DLGAP1: variants seen among roughly 807,000 people sequenced by gnomAD.
The protein encoded by DLGAP1 is DLG associated protein 1.
In DLGAP1, 11 loss-of-function variants were observed where a neutral mutation model predicts 90.8. The ratio of observed to expected loss-of-function variants is 0.12; its 90% CI spans 0.08 to 0.20. The LOEUF (loss-of-function observed/expected upper bound fraction) is 0.20, where lower values mean the gene tolerates loss of function less well. Among genes scored for constraint, DLGAP1 ranks in the 10% least tolerant of loss-of-function variants. The pLI is 1.00. For synonymous variants in DLGAP1, 558 were observed against 540.7 expected, an observed-to-expected ratio of 1.03 and a Z score of -0.44; for missense variants, 1,050 against 1,333.8, an observed-to-expected ratio of 0.79 and a Z score of 3.31.
chr18:3,731,473 G>A (rs1020104510), intron 6 of DLGAP1, among the ~76,000 whole-genome samples: 1 of 151,782 alleles, frequency 6.6e-6, no homozygotes, highest in African/African-American at 2.4e-5. Flanking sequence ...CCAGGGTGGA[G>A]TGCAGTGGCA....
intron 7 of DLGAP1, among the ~76,000 whole-genome samples, chr18:3,616,767 GAAAC>G (rs1365235623): frequency 1.3e-5 from 2 of 151,078 alleles, no homozygotes; most frequent in Non-Finnish European, 3.0e-5. Context: ...AAAACAAAAA[GAAAC>G]AAACAAACTG....
chr18:3,852,603 T>C (rs908708140), intron 4 of DLGAP1, among the ~76,000 whole-genome samples: 3 of 152,192 alleles, frequency 2.0e-5, no homozygotes, highest in Admixed American at 6.5e-5. Context: ...GTTTAAATGA[T>C]CCAACATGAC....
intron 7 of DLGAP1, among the ~76,000 whole-genome samples, chr18:3,672,059 G>A (rs11873407): frequency 0.25 from 37,761 of 151,946 alleles, 5,131 homozygotes; most frequent in African/African-American, 0.35. Flanking sequence ...AAAGGAAAGA[G>A]GGACATTCAG....
intron 7 of DLGAP1, among the ~76,000 whole-genome samples, chr18:3,726,397 A>G (rs1198107264): frequency 6.6e-6 from 1 of 152,142 alleles, no homozygotes; most frequent in Non-Finnish European, 1.5e-5. Context: ...AATGAATATG[A>G]CAGTATTGAG....
intron 9 of DLGAP1, among the ~76,000 whole-genome samples, chr18:3,564,126 G>A (rs1036912471): frequency 3.3e-5 from 5 of 152,038 alleles, no homozygotes; most frequent in African/African-American, 4.8e-5. Flanking sequence ...AGTATGCCTC[G>A]TAATTTTTTG....
chr18:4,151,882 T>C (rs377448176), intron 1 of DLGAP1, among the ~76,000 whole-genome samples: 1 of 152,312 alleles, frequency 6.6e-6, no homozygotes, highest in African/African-American at 2.4e-5. Context: ...ACCTAGATGA[T>C]GGGTTGATGG....
At chr18:4,369,368 C>T (rs2081861263) in intron 1 of DLGAP1, among the ~76,000 whole-genome samples, 1 of 152,094 alleles carries the variant, frequency 6.6e-6, no homozygotes, top group Non-Finnish European at 1.5e-5. Context: ...TACCTTGTCT[C>T]CTGCTGACAA....
chr18:4,390,029 G>A (rs2082309422), intron 1 of DLGAP1, among the ~76,000 whole-genome samples: 1 of 151,956 alleles, frequency 6.6e-6, no homozygotes, highest in Non-Finnish European at 1.5e-5. Flanking sequence ...GTGGCTACAG[G>A]GCTAAATGAG....
chr18:3,697,928 C>T (rs973504864), intron 7 of DLGAP1, among the ~76,000 whole-genome samples: 1 of 152,148 alleles, frequency 6.6e-6, no homozygotes, highest in African/African-American at 2.4e-5. Context: ...GACTCCTTAA[C>T]CATTATGTAA....
intron 2 of DLGAP1, among the ~76,000 whole-genome samples, chr18:4,076,074 A>G (rs954038754): frequency 2.6e-5 from 4 of 152,168 alleles, no homozygotes; most frequent in Non-Finnish European, 5.9e-5. Flanking sequence ...TATACAACTC[A>G]TTGAAGTGAG....
At chr18:4,053,221 G>A (rs1485807294) in intron 2 of DLGAP1, among the ~76,000 whole-genome samples, 1 of 152,190 alleles carries the variant, frequency 6.6e-6, no homozygotes, top group East Asian at 1.9e-4. Context: ...AGGTTTAATT[G>A]ACTCACAGTT....
intron 1 of DLGAP1, among the ~76,000 whole-genome samples, chr18:4,346,100 G>A (rs137952222): frequency 2.0e-5 from 3 of 152,314 alleles, no homozygotes; most frequent in African/African-American, 7.2e-5. Flanking sequence ...TGTTAATGGA[G>A]CTTCATGATT....
chr18:4,025,064 A>T (rs932255721), intron 2 of DLGAP1, among the ~76,000 whole-genome samples: 1 of 152,212 alleles, frequency 6.6e-6, no homozygotes, highest in African/African-American at 2.4e-5. Context: ...TTGTGCACTT[A>T]TAAAGTGGCA....
chr18:4,398,503 A>G, intron 1 of DLGAP1, among the ~76,000 whole-genome samples: 1 of 152,240 alleles, frequency 6.6e-6, no homozygotes, highest in East Asian at 1.9e-4. Flanking sequence ...ATTGTTTACC[A>G]ACTCTCAGTG....
chr18:4,222,580 A>G (rs56183113), intron 1 of DLGAP1, among the ~76,000 whole-genome samples: 9,381 of 152,238 alleles, frequency 0.062, 655 homozygotes, highest in African/African-American at 0.17. Context: ...TATAAAAACT[A>G]AAAGAAAATA....
intron 9 of DLGAP1, among the ~76,000 whole-genome samples, chr18:3,551,715 C>T (rs1332175759): frequency 2.5e-5 from 1 of 39,624 alleles, no homozygotes; most frequent in African/African-American, 1.3e-4. Context: ...TCCCTCCCTC[C>T]CTCCCTCCCT....
chr18:4,255,593 C>T (rs2078872994), intron 1 of DLGAP1, among the ~76,000 whole-genome samples: 1 of 151,596 alleles, frequency 6.6e-6, no homozygotes, highest in South Asian at 2.1e-4. Context: ...CAATTTTAAG[C>T]ATGGGGAAAA....
chr18:4,454,694 G>C lies in DLGAP1; in HGVS notation c.-267+312C>G, dbSNP rs896859422. On this transcript the variant is annotated intron_variant, in intron 1 of 12. Coordinates refer to ENST00000315677, the MANE Select transcript of DLGAP1 (RefSeq NM_004746.4). This position sits in a 1 kb window ranked among gnomAD's most constrained non-coding sequence, Gnocchi z 4.7. ...GTGTTCTCCTCCCCTCCCCCTTCCG[G>C]GACCCTGTCGCAATTAGAAATCCTT... 2.5e-4 allele frequency among the ~76,000 whole-genome samples: 38 copies of C among 152,118 alleles called. No individual in the cohort carries two copies. The highest frequency in any genetic ancestry group is 8.9e-4 in the African/African-American group (37 of 41,536).
chr18:3,847,957 T>G (rs930489646), intron 4 of DLGAP1, among the ~76,000 whole-genome samples: 1 of 151,794 alleles, frequency 6.6e-6, no homozygotes, highest in Admixed American at 6.6e-5. Flanking sequence ...AGTGGGACCC[T>G]GTCTCTACAG....
Sources: allele counts gnomAD v4.1 joint callset (sites outside exome capture counted in the v4.1 genomes callset), GRCh38; gene constraint gnomAD v4.1.1; non-coding constraint Gnocchi (gnomAD v3.1); transcripts MANE v1.5; gene names NCBI Gene and HGNC (gene_info 2026-07-23, HGNC 2026-07-21).